Variants in ATRX observed in about 807,000 individuals in gnomAD.
ATRX encodes ATRX chromatin remodeler, also known as chromatin remodeler ATRX.
A neutral mutation model predicts 172.6 loss-of-function variants in ATRX; 12 were observed. The ratio of observed to expected loss-of-function variants is 0.07; its 90% CI spans 0.04 to 0.11. The LOEUF is 0.11. ATRX is among the 10% of genes least tolerant of loss of function. ATRX has a pLI of 1.00. For synonymous variants in ATRX, 674 were observed against 594.7 expected (o/e 1.13, Z -1.94); for missense variants, 1,368 against 1,767.4 (o/e 0.77, Z 4.05).
intron 27 of ATRX, chrX:77,575,517 G>T (rs1355376524): frequency 1.8e-5 from 2 of 111,198 alleles, no homozygotes; most frequent in Non-Finnish European, 3.8e-5. Context: ...AATGGAAAAT[G>T]ATATGACTAT....
intron 1 of ATRX, among the ~76,000 whole-genome samples, chrX:77,756,578 T>C (rs782375146): frequency 3.5e-4 from 39 of 110,204 alleles, no homozygotes; most frequent in African/African-American, 1.3e-3. Context: ...CGGGTTCCTT[T>C]GGCTTGGGGA....
intron 1 of ATRX, among the ~76,000 whole-genome samples, chrX:77,762,304 CAAAA>C (rs782237740): frequency 8.5e-5 from 2 of 23,410 alleles, no homozygotes; most frequent in Non-Finnish European, 1.6e-4. Flanking sequence ...GACTCTGTCT[CAAAA>C]AAAAAAAAAA....
chrX:77,764,143 T>C (rs2075824605), intron 1 of ATRX, among the ~76,000 whole-genome samples: 2 of 111,455 alleles, frequency 1.8e-5, no homozygotes, highest in South Asian at 7.5e-4. Flanking sequence ...ATAGAGAATG[T>C]TTTAATACCT....
At chrX:77,703,158 A>C (rs1334368126) in intron 2 of ATRX, among the ~76,000 whole-genome samples, 2 of 113,000 alleles carry the variant, frequency 1.8e-5, no homozygotes, top group Non-Finnish European at 3.7e-5. Context: ...AGTGTTACAG[A>C]ATCTTTGGGG....
At chrX:77,573,389 A>G (rs2065488275) in intron 28 of ATRX, among the ~76,000 whole-genome samples, 1 of 111,727 alleles carries the variant, frequency 9.0e-6, no homozygotes, top group African/African-American at 3.2e-5. Context: ...TGCATTTCTC[A>G]GAATGTATAC....
At chrX:77,742,275 C>G (rs1365556076) in intron 1 of ATRX, among the ~76,000 whole-genome samples, 1 of 111,847 alleles carries the variant, frequency 8.9e-6, no homozygotes, top group Non-Finnish European at 1.9e-5. Flanking sequence ...TAGAGTAGTT[C>G]AGATTTTCTA....
At chrX:77,743,956 A>C (rs1365488662) in intron 1 of ATRX, among the ~76,000 whole-genome samples, 1 of 112,345 alleles carries the variant, frequency 8.9e-6, no homozygotes, top group Non-Finnish European at 1.9e-5. Context: ...TTCAGCCTCC[A>C]CAAATAAACT....
intron 26 of ATRX, among the ~76,000 whole-genome samples, chrX:77,592,259 A>AAATT (rs1385335912): frequency 9.2e-6 from 1 of 108,355 alleles, no homozygotes; most frequent in Non-Finnish European, 1.9e-5. Context: ...TAAAAAAACA[A>AAATT]AATTAGCTGG....
At chrX:77,633,739 G>A (rs374270727) in intron 17 of ATRX, 27 bp from the exon 18 acceptor site, 44 of 1,174,227 alleles carry the variant, frequency 3.7e-5, no homozygotes, top group African/African-American at 8.9e-5. Flanking sequence ...TGTCACCTTC[G>A]TTTAAATATC....
In ATRX at chrX:77,752,060, T is replaced by G. The variant is rs1394840390; in HGVS notation, c.20+33922A>C. On this transcript the variant is annotated intron_variant, in intron 1 of 34. Coordinates refer to ENST00000373344, the MANE Select transcript of ATRX (RefSeq NM_000489.6). ...CTTGATAGGAATAGCATTGACTCTG[T>G]AAATTACTTTGGGCAGTATGGCCAT... 2.7e-5 allele frequency among the ~76,000 whole-genome samples: 3 copies of G among 111,892 alleles called. No individual in the cohort carries two copies. In the Admixed American group the frequency reaches 2.9e-4, roughly 11 times the overall value.
intron 2 of ATRX, among the ~76,000 whole-genome samples, chrX:77,704,975 C>T (rs896541462): frequency 9.9e-5 from 11 of 110,601 alleles, no homozygotes; most frequent in African/African-American, 2.0e-4. Context: ...CAGGTCTATA[C>T]CCACAATTTG....
chrX:77,656,023 G>A (rs964558545), intron 13 of ATRX, among the ~76,000 whole-genome samples: 25 of 111,467 alleles, frequency 2.2e-4, no homozygotes, highest in Non-Finnish European at 4.2e-4. Context: ...GTGACTGTTC[G>A]TGTTACAAGA....
intron 9 of ATRX, among the ~76,000 whole-genome samples, chrX:77,678,293 A>C (rs1243871482): frequency 9.0e-6 from 1 of 110,930 alleles, no homozygotes; most frequent in African/African-American, 3.3e-5. Flanking sequence ...CACAATAAAT[A>C]TCTCATTCAA....
chrX:77,715,953 C>T (rs1345903189), intron 2 of ATRX, among the ~76,000 whole-genome samples: 1 of 109,324 alleles, frequency 9.1e-6, no homozygotes. Context: ...AAAATGCTAA[C>T]TGTCACATGA....
intron 4 of ATRX, among the ~76,000 whole-genome samples, chrX:77,697,062 A>G (rs782363286): frequency 5.3e-5 from 6 of 112,342 alleles, no homozygotes; most frequent in Non-Finnish European, 1.1e-4. Context: ...CAAACTTCTA[A>G]TAACAATTAT....
rs1057524797 is a variant in ATRX at position 77,681,601 on chromosome X, C to T, written c.3655G>A (p.Gly1219Arg). 8.3e-7 allele frequency: 1 copy of T among 1,207,590 alleles called. No homozygotes were observed. Among genetic ancestry groups the T allele is most frequent in the Non-Finnish European group, 1.1e-6 (1 of 894,079 alleles). The change falls in exon 9 of 35, where the codon GGA (glycine) becomes AGA (arginine). Residue 1219 changes from glycine (G) to arginine (R), a missense_variant. Physicochemically the swap from Gly to Arg is moderately radical, Grantham distance 125 (BLOSUM62 -2). Coordinates refer to ENST00000373344, the MANE Select transcript of ATRX (RefSeq NM_000489.6). ...TTAATTTTCTGTTCATCGCTGCTTC[C>T]CTCACCTATAGAATTCTGATCATCA... ...EDDDQNSIGE[G>R]SSDEQKIKPV... is the part of the protein sequence containing the mutation.
intron 29 of ATRX, 80 bp from the exon 30 acceptor site, chrX:77,557,725 T>C (rs2064854965): frequency 1.2e-6 from 1 of 863,314 alleles, no homozygotes; most frequent in South Asian, 2.5e-5. Flanking sequence ...ATACGGTTAC[T>C]GGTTAATATG....
rs549081497 is a variant in ATRX at position 77,534,953 on chromosome X, A to C, written c.6700-11552T>G. Among the ~76,000 whole-genome samples the C allele has an allele frequency of 4.5e-5, 5 of 111,572 alleles. 1 individual carries two copies. In the South Asian group the frequency reaches 1.9e-3, roughly 42 times the overall value. ...AAATATTTTGCTTGCCATTACTTTCAATTTGAGTTTTGTAATATCTGGAAA... is the reference window on the plus strand; with the variant it reads ...AAATATTTTGCTTGCCATTACTTTCCATTTGAGTTTTGTAATATCTGGAAA... On this transcript the variant is annotated intron_variant, in intron 30 of 34. Transcript: ENST00000373344.
chrX:77,735,918 C>T (rs1297839414), intron 1 of ATRX, among the ~76,000 whole-genome samples: 2 of 106,867 alleles, frequency 1.9e-5, no homozygotes, highest in African/African-American at 6.8e-5. Flanking sequence ...GCAGGAGAAT[C>T]GCTTGAACCT....
Sources: allele counts gnomAD v4.1 joint callset (sites outside exome capture counted in the v4.1 genomes callset), GRCh38; gene constraint gnomAD v4.1.1; transcripts MANE v1.5; gene names NCBI Gene and HGNC (gene_info 2026-07-23, HGNC 2026-07-21).